The following CCDC7 variants were observed in gnomAD, a reference collection of about 807,000 sequenced individuals.
CCDC7 encodes coiled-coil domain containing 7.
CCDC7 carries 183 observed loss-of-function variants against 196.9 expected under a neutral mutation model. The observed-to-expected ratio is 0.93, with a 90% CI of 0.82 to 1.05. The LOEUF (loss-of-function observed/expected upper bound fraction) is 1.05, where lower values mean the gene tolerates loss of function less well. Among genes scored for constraint, CCDC7 ranks in the 50% least tolerant of loss-of-function variants. The pLI, the probability that CCDC7 is intolerant of heterozygous loss-of-function variation, is 0.00. For synonymous variants in CCDC7, 525 were observed against 484.6 expected, an observed-to-expected ratio of 1.08 and a Z score of -1.10; for missense variants, 1,540 against 1,482.2, an observed-to-expected ratio of 1.04 and a Z score of -0.64.
At chr10:32,793,127 G>A (rs1164599272) in intron 29 of CCDC7, among the ~76,000 whole-genome samples, 3 of 152,144 alleles carry the variant, frequency 2.0e-5, no homozygotes. Flanking sequence ...GAAATTTGGT[G>A]TTAGTCATGC....
Position 32,787,857 on chromosome 10 carries a change from C to A in CCDC7, c.3013+8773C>A, listed in dbSNP as rs763466331. Among the ~76,000 whole-genome samples, 68 of 152,052 alleles carry A rather than the reference C, an allele frequency of 4.5e-4. 1 individual carries two copies. The highest frequency in any genetic ancestry group is 1.9e-4 in the Non-Finnish European group (13 of 68,008). ...GGCTCGCCCCTATTCCAGGACATCTCCACAGACTCAAGCTTCAGGCCTGCC... is the reference window on the plus strand; with the variant it reads ...GGCTCGCCCCTATTCCAGGACATCTACACAGACTCAAGCTTCAGGCCTGCC... On this transcript the variant is annotated intron_variant, in intron 29 of 41. Coordinates refer to ENST00000639629, the Ensembl canonical transcript of CCDC7.
chr10:32,728,760 A>G lies in CCDC7; in HGVS notation c.2669-127A>G, dbSNP rs991991934. On this transcript the variant is annotated intron_variant, in intron 26 of 41. Coordinates refer to ENST00000639629, the Ensembl canonical transcript of CCDC7. ...CCACAGCAGCCATTAAAATTATTCT[A>G]TTTTTGTGTCAGATCTAGCATTATG... The G allele has an allele frequency of 1.2e-5, 6 of 498,500 alleles. No homozygotes were observed. In the East Asian group the frequency reaches 1.3e-4, roughly 11 times the overall value. 30.9% of individuals were successfully genotyped at this position (498,500 alleles called of 1,614,324 possible).
chr10:32,465,467 A>G (rs1262847576), intron 5 of CCDC7, among the ~76,000 whole-genome samples: 1 of 148,012 alleles, frequency 6.8e-6, no homozygotes, highest in African/African-American at 2.5e-5. Context: ...TGCCTCAGCT[A>G]TAGTTAATAT....
chr10:32,715,716 T>C (rs898802767), intron 25 of CCDC7, among the ~76,000 whole-genome samples: 3 of 152,126 alleles, frequency 2.0e-5, no homozygotes, highest in Non-Finnish European at 4.4e-5. Context: ...AATGACCCGA[T>C]GGAGCTGAAA....
At chr10:32,467,543 T>C (rs1393630272) in intron 5 of CCDC7, among the ~76,000 whole-genome samples, 1 of 152,222 alleles carries the variant, frequency 6.6e-6, no homozygotes, top group Non-Finnish European at 1.5e-5. Flanking sequence ...AGGTTGCCTG[T>C]TTACTCTGTT....
intron 22 of CCDC7, 134 bp from the exon 24 acceptor site, chr10:32,688,919 T>C (rs775679549): frequency 4.1e-5 from 26 of 633,874 alleles, no homozygotes; most frequent in Middle Eastern, 5.6e-4. Context: ...ATAGTAGATA[T>C]AGCATTATGG....
intron 28 of CCDC7, among the ~76,000 whole-genome samples, chr10:32,731,198 C>T (rs979453866): frequency 6.6e-6 from 1 of 152,042 alleles, no homozygotes; most frequent in Non-Finnish European, 1.5e-5. Flanking sequence ...ATCTCAGTCT[C>T]TAGTAAGGTC....
intron 29 of CCDC7, among the ~76,000 whole-genome samples, chr10:32,781,079 T>C (rs1233439545): frequency 2.0e-5 from 3 of 152,130 alleles, no homozygotes; most frequent in Non-Finnish European, 4.4e-5. Flanking sequence ...AATGAACAAA[T>C]TGTTAGAAAT....
intron 41 of CCDC7, among the ~76,000 whole-genome samples, chr10:32,857,086 C>A (rs1301298343): frequency 2.0e-5 from 3 of 152,194 alleles, no homozygotes; most frequent in South Asian, 2.1e-4. Context: ...TCAGGTAAAT[C>A]TACTACTATG....
chr10:32,536,701 T>A (rs2050562352), intron 11 of CCDC7, among the ~76,000 whole-genome samples: 1 of 152,152 alleles, frequency 6.6e-6, no homozygotes, highest in East Asian at 1.9e-4. Context: ...TGTCTGATGT[T>A]CCTCTCCTAG....
chr10:32,605,837 A>G (rs1284669652), intron 18 of CCDC7, among the ~76,000 whole-genome samples: 1 of 140,108 alleles, frequency 7.1e-6, no homozygotes, highest in Non-Finnish European at 1.6e-5. Flanking sequence ...TAACCTGGCC[A>G]TATAGAAAAG....
chr10:32,560,103 G>A (rs1052562311), intron 13 of CCDC7, among the ~76,000 whole-genome samples: 2 of 152,140 alleles, frequency 1.3e-5, no homozygotes, highest in Admixed American at 6.5e-5. Flanking sequence ...GAAGTGAAGC[G>A]AGAAGGGAAG....
At chr10:32,684,846 A>G (rs915210467) in intron 21 of CCDC7, among the ~76,000 whole-genome samples, 84 of 152,344 alleles carry the variant, frequency 5.5e-4, no homozygotes, top group African/African-American at 1.9e-3. Flanking sequence ...GTATTAGGGC[A>G]TATGTTAAAT....
exon 22 of CCDC7, chr10:32,686,058 T>G (rs2076430821): frequency 1.3e-6 from 2 of 1,522,184 alleles, no homozygotes; most frequent in African/African-American, 2.8e-5. Context: ...AACAAGAAAC[T>G]TCTACAGAGC....
At chr10:32,581,204 C>A (rs879233857) in intron 16 of CCDC7, among the ~76,000 whole-genome samples, 3 of 151,982 alleles carry the variant, frequency 2.0e-5, no homozygotes, top group Non-Finnish European at 4.4e-5. Context: ...GACTATTATA[C>A]GGTAGTATTT....
At chr10:32,666,505 T>A (rs949285073) in intron 21 of CCDC7, among the ~76,000 whole-genome samples, 2 of 152,044 alleles carry the variant, frequency 1.3e-5, no homozygotes, top group South Asian at 4.2e-4. Flanking sequence ...TAGGTATAAC[T>A]TCTAATGCTA....
At chr10:32,744,802 CAGA>C (rs1182389701) in intron 28 of CCDC7, among the ~76,000 whole-genome samples, 1 of 152,122 alleles carries the variant, frequency 6.6e-6, no homozygotes, top group African/African-American at 2.4e-5. Flanking sequence ...TTTTACAGAG[CAGA>C]AGTTGTTGAA....
intron 30 of CCDC7, among the ~76,000 whole-genome samples, chr10:32,807,580 A>G (rs2086105987): frequency 6.6e-6 from 1 of 152,050 alleles, no homozygotes; most frequent in African/African-American, 2.4e-5. Context: ...GGAAAGGGAA[A>G]GGAGGCAGCT....
chr10:32,734,080 A>G (rs942781928), intron 28 of CCDC7, among the ~76,000 whole-genome samples: 14 of 152,330 alleles, frequency 9.2e-5, no homozygotes, highest in African/African-American at 3.4e-4. Flanking sequence ...ATTACTGGGT[A>G]TATACCCAGA....
Sources: gnomAD v4.1 joint callset for allele counts (sites outside exome capture counted in the v4.1 genomes callset) on GRCh38, gnomAD v4.1.1 for gene constraint, MANE v1.5 for transcripts, NCBI Gene and HGNC (gene_info 2026-07-23, HGNC 2026-07-21) for gene names.